SHROOM3: variants seen among roughly 807,000 people sequenced by gnomAD.
SHROOM3 encodes the protein shroom family member 3.
SHROOM3 carries 47 observed loss-of-function variants against 138.6 expected under a neutral mutation model. The ratio of observed to expected loss-of-function variants is 0.34; its 90% confidence interval spans 0.27 to 0.43. The LOEUF (loss-of-function observed/expected upper bound fraction) is 0.43. Ranked by LOEUF, SHROOM3 falls within the 20% of genes least tolerant of loss-of-function variation. The pLI is 1.00. For missense variants in SHROOM3, 2,491 were observed against 2,596.5 expected (o/e 0.96, Z 0.88); for synonymous variants, 1,062 against 1,063.3 (o/e 1.00, Z 0.02).
intron 1 of SHROOM3, among the ~76,000 whole-genome samples, chr4:76,553,617 A>G (rs929543010): frequency 6.6e-6 from 1 of 151,874 alleles, no homozygotes; most frequent in African/African-American, 2.4e-5. Flanking sequence ...CAGCCTCCCA[A>G]CTAGCTGGGA....
At chr4:76,608,912 G>T (rs1380469691) in intron 2 of SHROOM3, among the ~76,000 whole-genome samples, 2 of 152,200 alleles carry the variant, frequency 1.3e-5, no homozygotes, top group Non-Finnish European at 1.5e-5. Context: ...CTGAACACTT[G>T]CTATGGAAAG....
intron 1 of SHROOM3, among the ~76,000 whole-genome samples, chr4:76,531,571 G>T (rs1732829166): frequency 6.6e-6 from 1 of 152,086 alleles, no homozygotes; most frequent in Admixed American, 6.5e-5. Flanking sequence ...CATCATCTCA[G>T]TTTCTTCATC....
chr4:76,607,618 C>T (rs1734649765), intron 2 of SHROOM3, among the ~76,000 whole-genome samples: 1 of 152,130 alleles, frequency 6.6e-6, no homozygotes, highest in South Asian at 2.1e-4. Flanking sequence ...GCTGTAAAGT[C>T]TAACACAAAA....
At chr4:76,592,011 A>G (rs939777637) in intron 2 of SHROOM3, among the ~76,000 whole-genome samples, 5 of 152,254 alleles carry the variant, frequency 3.3e-5, no homozygotes. Flanking sequence ...TGGAAAATAC[A>G]TAAAGCAGAG....
chr4:76,587,008 A>T (rs1734169206), intron 2 of SHROOM3: 1 of 152,146 alleles, frequency 6.6e-6, no homozygotes, highest in Non-Finnish European at 1.5e-5. Context: ...GATTGTATTG[A>T]TTGGTTGGCT....
chr4:76,484,948 A>G (rs1731697749), intron 1 of SHROOM3, among the ~76,000 whole-genome samples: 1 of 152,146 alleles, frequency 6.6e-6, no homozygotes, highest in Non-Finnish European at 1.5e-5. Flanking sequence ...TCTGCCCACC[A>G]AAATATAACC....
intron 2 of SHROOM3, among the ~76,000 whole-genome samples, chr4:76,691,053 C>T (rs1047731883): frequency 2.6e-5 from 4 of 152,200 alleles, no homozygotes; most frequent in African/African-American, 7.2e-5. Context: ...GTTTGTACAG[C>T]CTATTTTGTA....
intron 3 of SHROOM3, chr4:76,716,114 G>C (rs1022169982): frequency 1.8e-5 from 5 of 279,100 alleles, no homozygotes; most frequent in African/African-American, 1.1e-4. Context: ...TCTTCTCAGG[G>C]AGTCATTAAG....
intron 2 of SHROOM3, among the ~76,000 whole-genome samples, chr4:76,635,895 A>G (rs926407036): frequency 1.3e-5 from 2 of 152,194 alleles, no homozygotes; most frequent in African/African-American, 4.8e-5. Context: ...CTAGGATTTC[A>G]ACATCAGAAA....
At chr4:76,728,080 G>A (rs1358365889) in intron 3 of SHROOM3, among the ~76,000 whole-genome samples, 2 of 152,056 alleles carry the variant, frequency 1.3e-5, no homozygotes, top group African/African-American at 4.8e-5. Context: ...GGATGCTGAG[G>A]TACAAGAATC....
intron 1 of SHROOM3, among the ~76,000 whole-genome samples, chr4:76,535,926 G>A (rs963885308): frequency 3.3e-5 from 5 of 152,192 alleles, no homozygotes; most frequent in Admixed American, 2.0e-4. Flanking sequence ...CACAGGCGGA[G>A]GAAGAAATGC....
At chr4:76,593,833 G>GT (rs1279182026) in intron 2 of SHROOM3, among the ~76,000 whole-genome samples, 1 of 152,120 alleles carries the variant, frequency 6.6e-6, no homozygotes, top group Non-Finnish European at 1.5e-5. Flanking sequence ...TTTTCTTGCA[G>GT]TGTCACCATG....
intron 1 of SHROOM3, among the ~76,000 whole-genome samples, chr4:76,537,662 T>C (rs941626618): frequency 6.6e-6 from 1 of 152,128 alleles, no homozygotes; most frequent in Non-Finnish European, 1.5e-5. Flanking sequence ...CAATATATAA[T>C]GTGAGAGAGA....
intron 2 of SHROOM3, chr4:76,575,470 A>G (rs1457778498): frequency 6.6e-6 from 1 of 152,228 alleles, no homozygotes; most frequent in Non-Finnish European, 1.5e-5. Context: ...CTCCACCAAA[A>G]AAACTAGCAG....
chr4:76,580,223 T>C (rs781713855), intron 2 of SHROOM3, among the ~76,000 whole-genome samples: 9 of 152,248 alleles, frequency 5.9e-5, no homozygotes, highest in Non-Finnish European at 8.8e-5. Flanking sequence ...TCCCCTCTGC[T>C]GATATCTGGC....
intron 1 of SHROOM3, among the ~76,000 whole-genome samples, chr4:76,447,560 AG>A (rs1256521643): frequency 6.6e-6 from 1 of 152,224 alleles, no homozygotes; most frequent in Admixed American, 6.5e-5. Context: ...TTAAAAGAAT[AG>A]GAGAGTGTGC....
intron 1 of SHROOM3, among the ~76,000 whole-genome samples, chr4:76,516,572 A>G (rs920188887): frequency 6.6e-6 from 1 of 152,088 alleles, no homozygotes; most frequent in African/African-American, 2.4e-5. Context: ...TGCTCATAAT[A>G]TATGAAAACA....
chr4:76,642,729 G>A (rs1247470884), intron 2 of SHROOM3, among the ~76,000 whole-genome samples: 1 of 152,156 alleles, frequency 6.6e-6, no homozygotes, highest in Non-Finnish European at 1.5e-5. Context: ...TAGAGCATGA[G>A]GTGCCAGGAA....
At chr4:76,626,758 A>C (rs896205041) in intron 2 of SHROOM3, among the ~76,000 whole-genome samples, 6 of 152,222 alleles carry the variant, frequency 3.9e-5, no homozygotes, top group African/African-American at 1.4e-4. Flanking sequence ...GTAAGTGGCA[A>C]ATCTAGGATA....
Sources: gnomAD v4.1 joint callset for allele counts (sites outside exome capture counted in the v4.1 genomes callset) on GRCh38, gnomAD v4.1.1 for gene constraint, MANE v1.5 for transcripts, NCBI Gene and HGNC (gene_info 2026-07-23, HGNC 2026-07-21) for gene names.